MYH15: variants seen among roughly 807,000 people sequenced by gnomAD.
MYH15 encodes the protein myosin heavy chain 15.
In MYH15, 227 loss-of-function variants were observed where a neutral mutation model predicts 240.5. The ratio of observed to expected loss-of-function variants is 0.94; its 90% CI spans 0.85 to 1.05. The LOEUF is 1.05. MYH15 is among the 50% of genes least tolerant of loss of function. MYH15 has a pLI of 0.00. For missense variants in MYH15, 2,217 were observed against 2,247.5 expected (o/e 0.99, Z 0.27); for synonymous variants, 785 against 796.7 (o/e 0.99, Z 0.25).
Position 108,444,631 on chromosome 3 carries a change from G to A in MYH15, c.2655+9C>T. ...CTTGATTTAAAGAACAAATGGTGGG[G>A]CTACTCACAGCCTGAAGCTGAAGAA... is the stretch of plus-strand genomic sequence containing the variant. On this transcript the variant is annotated intron_variant, in intron 22 of 40. Transcript: ENST00000693548. 1.2e-6 allele frequency: 2 copies of A among 1,613,526 alleles called. No individual in the cohort carries two copies. The highest frequency in any genetic ancestry group is 4.5e-5 in the East Asian group (2 of 44,856).
chr3:108,385,135 G>A (rs2082371708), intron 38 of MYH15, among the ~76,000 whole-genome samples: 1 of 152,146 alleles, frequency 6.6e-6, no homozygotes, highest in Non-Finnish European at 1.5e-5. Context: ...TTACTTTAAG[G>A]TGGTGGTAGT....
chr3:108,435,535 G>C (rs1393688280), intron 25 of MYH15, among the ~76,000 whole-genome samples: 1 of 151,788 alleles, frequency 6.6e-6, no homozygotes, highest in Non-Finnish European at 1.5e-5. Context: ...GATTATTTTA[G>C]ATACCTCTAT....
intron 1 of MYH15, chr3:108,529,178 T>C (rs2083695503): frequency 7.6e-7 from 1 of 1,317,012 alleles, no homozygotes; most frequent in South Asian, 1.3e-5. Flanking sequence ...ATTAAGACCA[T>C]CAAGAATAAA....
At chr3:108,529,382 C>T (rs144214866), upstream of MYH15, 1 of 785,194 alleles carries the variant, frequency 1.3e-6, no homozygotes, top group African/African-American at 1.8e-5. Context: ...ATGTTGACAG[C>T]ATGGGAAATC....
chr3:108,407,376 T>TG (rs2082554617), intron 32 of MYH15, among the ~76,000 whole-genome samples: 2 of 152,178 alleles, frequency 1.3e-5, no homozygotes, highest in Non-Finnish European at 2.9e-5. Context: ...AGGGCTGTAT[T>TG]TTAATGTGTC....
At chr3:108,474,291 G>A (rs28709688) in intron 12 of MYH15, among the ~76,000 whole-genome samples, 2,244 of 151,504 alleles carry the variant, frequency 0.015, 49 homozygotes, top group African/African-American at 0.052. Flanking sequence ...AGCGAGAGGA[G>A]GAGGATTTTT....
intron 1 of MYH15, among the ~76,000 whole-genome samples, chr3:108,523,342 G>A (rs1445361314): frequency 6.6e-6 from 1 of 151,888 alleles, no homozygotes. Context: ...GTGATGGTCA[G>A]TATTTCTGGG....
intron 25 of MYH15, among the ~76,000 whole-genome samples, chr3:108,432,717 G>A (rs956611637): frequency 4.6e-5 from 7 of 152,182 alleles, no homozygotes; most frequent in Non-Finnish European, 8.8e-5. Flanking sequence ...CTTGGGTCAT[G>A]GCTTCAGAGG....
chr3:108,381,249 G>C lies in MYH15; in HGVS notation c.*296C>G, dbSNP rs886854650. 1.4e-4 allele frequency: 67 copies of C among 463,234 alleles called. No individual in the cohort carries two copies. The East Asian group carries it at 2.7e-3, about 19-fold the overall frequency. 28.7% of individuals were successfully genotyped at this position (463,234 alleles called of 1,614,324 possible). On this transcript the variant is annotated 3_prime_UTR_variant, in exon 41 of 41. Coordinates refer to ENST00000693548, the MANE Select transcript of MYH15 (RefSeq NM_014981.3). Reference sequence around the variant, plus strand: ...CCATTAAGAGGAAATATGGACAAAGGATCAAGTATTTATTCATTTTTTAAA... The same window carrying C: ...CCATTAAGAGGAAATATGGACAAAGCATCAAGTATTTATTCATTTTTTAAA...
chr3:108,454,349 G>A (rs184771164), intron 20 of MYH15, among the ~76,000 whole-genome samples: 2 of 151,874 alleles, frequency 1.3e-5, no homozygotes, highest in African/African-American at 4.8e-5. Context: ...ATTAAATCAT[G>A]TGGTTCTATT....
At chr3:108,438,360 G>C (rs1262052063) in intron 24 of MYH15, among the ~76,000 whole-genome samples, 1 of 152,126 alleles carries the variant, frequency 6.6e-6, no homozygotes, top group East Asian at 1.9e-4. Context: ...GAATTATATA[G>C]AGGTTAATTT....
At chr3:108,419,574 C>T (rs557603728) in intron 28 of MYH15, among the ~76,000 whole-genome samples, 41 of 152,318 alleles carry the variant, frequency 2.7e-4, no homozygotes, top group African/African-American at 9.4e-4. Flanking sequence ...AGTCTACATA[C>T]CAACTAAATC....
chr3:108,500,710 A>G (rs1159851898), intron 3 of MYH15, among the ~76,000 whole-genome samples: 1 of 152,082 alleles, frequency 6.6e-6, no homozygotes, highest in Non-Finnish European at 1.5e-5. Context: ...CCCCAAATAG[A>G]TATATTTATG....
At chr3:108,430,945 T>C (rs2082773942) in intron 25 of MYH15, 23 bp from the exon 26 acceptor site, 1 of 1,465,578 alleles carries the variant, frequency 6.8e-7, no homozygotes, top group Non-Finnish European at 9.5e-7. Context: ...AGATATCAAA[T>C]ACAATTGTTC....
At chr3:108,550,138 A>C in the MYH15 span, 7 of 151,892 alleles carry the variant, frequency 4.6e-5, no homozygotes, top group Non-Finnish European at 7.4e-5. Flanking sequence ...ATCAATCAAA[A>C]TATTGATGTA....
chr3:108,470,815 T>A lies in MYH15; in HGVS notation c.1266A>T (p.Ser422=). 1 of 1,613,812 alleles carries A rather than the reference T, an allele frequency of 6.2e-7. No individual in the cohort carries two copies. The highest frequency in any genetic ancestry group is 8.5e-7 in the Non-Finnish European group (1 of 1,179,824). Reference sequence around the variant, plus strand: ...GCCACTTAAACATCCTTTCATACATTGACTTGGACAGGGCACCGACAGCAC... The same window carrying A: ...GCCACTTAAACATCCTTTCATACATAGACTTGGACAGGGCACCGACAGCAC... The part of the protein sequence containing the change: ...VTCAVGALSK[S]MYERMFKWLV... The change falls in exon 13 of 41, where the codon TCA becomes TCT. Residue 422 remains serine, a synonymous_variant. Transcript: ENST00000693548.
intron 21 of MYH15, among the ~76,000 whole-genome samples, chr3:108,453,526 A>G (rs2082992944): frequency 6.6e-6 from 1 of 152,204 alleles, no homozygotes; most frequent in Non-Finnish European, 1.5e-5. Context: ...CATGGTGATA[A>G]ATGTCCCTAG....
chr3:108,524,452 C>T (rs2083650091), intron 1 of MYH15, among the ~76,000 whole-genome samples: 1 of 151,890 alleles, frequency 6.6e-6, no homozygotes, highest in African/African-American at 2.4e-5. Context: ...ATTTTGTGTG[C>T]TAATCCTATG....
upstream of MYH15, among the ~76,000 whole-genome samples, chr3:108,532,295 T>C (rs2083716821): frequency 6.6e-6 from 1 of 152,102 alleles, no homozygotes. Context: ...TTGGTCTCAC[T>C]AATATGGGTA....
Sources: gnomAD v4.1 joint callset for allele counts (sites outside exome capture counted in the v4.1 genomes callset) on GRCh38, gnomAD v4.1.1 for gene constraint, MANE v1.5 for transcripts, NCBI Gene and HGNC (gene_info 2026-07-23, HGNC 2026-07-21) for gene names.